Variants in STX2 observed in about 807,000 individuals in gnomAD.
The protein encoded by STX2 is syntaxin-2.
A neutral mutation model predicts 40.6 loss-of-function variants in STX2; 27 were observed. The observed-to-expected ratio is 0.66, with a 90% confidence interval of 0.49 to 0.92. STX2 has a LOEUF of 0.92. STX2 is among the 40% of genes least tolerant of loss of function. The pLI is 0.00. For missense variants in STX2, 328 were observed against 366.1 expected (o/e 0.90, Z 0.85); for synonymous variants, 123 against 119.1 (o/e 1.03, Z -0.22).
At chr12:130,824,658 A>G (rs951917655) in intron 2 of STX2, among the ~76,000 whole-genome samples, 4 of 152,168 alleles carry the variant, frequency 2.6e-5, no homozygotes, top group Non-Finnish European at 5.9e-5. Flanking sequence ...CTTCACAGAA[A>G]CAAGACTCCC....
intron 6 of STX2, among the ~76,000 whole-genome samples, chr12:130,806,684 G>A (rs919415586): frequency 1.3e-5 from 2 of 152,150 alleles, no homozygotes; most frequent in Admixed American, 6.5e-5. Flanking sequence ...ACCAGGGCAG[G>A]GCGGGACTGA....
intron 2 of STX2, among the ~76,000 whole-genome samples, chr12:130,825,322 C>T (rs1440917107): frequency 6.6e-6 from 1 of 152,186 alleles, no homozygotes; most frequent in African/African-American, 2.4e-5. Context: ...CAGGCATGAG[C>T]CACTGGGCCC....
chr12:130,836,753 C>T (rs1016117144), intron 1 of STX2, among the ~76,000 whole-genome samples: 1 of 152,152 alleles, frequency 6.6e-6, no homozygotes, highest in Admixed American at 6.5e-5. Flanking sequence ...CCCCATTTCA[C>T]GTACAAGAAA....
intron 5 of STX2, among the ~76,000 whole-genome samples, chr12:130,808,382 CTTCAGGAAA>C (rs1370767704): frequency 1.3e-5 from 2 of 152,162 alleles, no homozygotes; most frequent in Non-Finnish European, 2.9e-5. Context: ...TCAAAACCCT[CTTCAGGAAA>C]GGCACAAACC....
intron 5 of STX2, 111 bp downstream of exon 5, chr12:130,808,520 C>T (rs1328497539): frequency 2.1e-6 from 2 of 970,566 alleles, no homozygotes; most frequent in East Asian, 2.5e-5. Context: ...TGCAGAAATA[C>T]TATGAGGATA....
At chr12:130,821,058 TGCAAATACCACGGGGAA>T (rs1394057254) in intron 3 of STX2, among the ~76,000 whole-genome samples, 1 of 152,190 alleles carries the variant, frequency 6.6e-6, no homozygotes, top group Non-Finnish European at 1.5e-5. Context: ...AATGAGGAGA[TGCAAATACCACGGGGAA>T]GCAAATTGAG....
chr12:130,812,570 T>C (rs961691568), intron 4 of STX2: 3 of 280,818 alleles, frequency 1.1e-5, no homozygotes, highest in Non-Finnish European at 2.1e-5. Context: ...TTAAGTCCCC[T>C]GTTTTACATG....
Position 130,790,755 on chromosome 12 carries a change from T to C in STX2, c.*1268A>G, listed in dbSNP as rs768457394. ...CCGTCTTAAATTCAGACTTCATTCA[T>C]GTAAACTGGGAAACTCGAATCTCCT... On this transcript the variant is annotated 3_prime_UTR_variant, in exon 11 of 11. Transcript: ENST00000392373. 1.3e-5 allele frequency: 2 copies of C among 152,580 alleles called. No homozygotes were observed. Among genetic ancestry groups the C allele is most frequent in the African/African-American group, 2.4e-5 (1 of 41,570 alleles). The allele number at this position is 152,580 out of a possible 1,614,324, so 9.5% of individuals were successfully genotyped here.
At chr12:130,838,477 C>T (rs1335966731) in intron 1 of STX2, among the ~76,000 whole-genome samples, 1 of 152,196 alleles carries the variant, frequency 6.6e-6, no homozygotes, top group Non-Finnish European at 1.5e-5. Context: ...ACTGGGAGAT[C>T]AGACACAAGC....
intron 2 of STX2, among the ~76,000 whole-genome samples, chr12:130,826,109 CCT>C (rs1244364609): frequency 1.3e-5 from 2 of 152,314 alleles, no homozygotes; most frequent in African/African-American, 4.8e-5. Context: ...CTGTGACTTT[CCT>C]CTGAGTCTTC....
At position 130,791,789 on chromosome 12, in the gene STX2, A is replaced by T. The variant is rs1447947744; in HGVS notation, c.*234T>A. 1.0e-5 allele frequency: 10 copies of T among 953,020 alleles called. No homozygotes were observed. The South Asian group carries it at 1.4e-4, about 13-fold the overall frequency. The allele number at this position is 953,020 out of a possible 1,614,324, so 59.0% of individuals were successfully genotyped here. On this transcript the variant is annotated 3_prime_UTR_variant, in exon 11 of 11. Coordinates refer to ENST00000392373, the MANE Select transcript of STX2 (RefSeq NM_194356.4). Reference sequence around the variant, plus strand: ...TGAACTCATACATTACAAGGTCAGCACTCGATGCCGGGTTACAGCGTCTGA... The same window carrying T: ...TGAACTCATACATTACAAGGTCAGCTCTCGATGCCGGGTTACAGCGTCTGA...
chr12:130,836,366 A>C (rs10848211), intron 1 of STX2, among the ~76,000 whole-genome samples: 71,234 of 151,958 alleles, frequency 0.47, 20,075 homozygotes, highest in East Asian at 0.87. Flanking sequence ...CGCCTCCTGG[A>C]CTCAAGCAAT....
chr12:130,820,864 C>T (rs1797224626), intron 3 of STX2, among the ~76,000 whole-genome samples: 1 of 152,052 alleles, frequency 6.6e-6, no homozygotes. Flanking sequence ...AAAGACTCAA[C>T]GTTGTTAACA....
At chr12:130,830,845 A>G (rs1017655080) in intron 1 of STX2, among the ~76,000 whole-genome samples, 1 of 152,220 alleles carries the variant, frequency 6.6e-6, no homozygotes, top group African/African-American at 2.4e-5. Context: ...ATTGTAAATA[A>G]CCAAACTGCT....
chr12:130,812,744 G>A (rs1291863403), intron 4 of STX2: 3 of 424,224 alleles, frequency 7.1e-6, no homozygotes, highest in South Asian at 3.9e-5. Context: ...AGCCTGAAAT[G>A]TCATCAAAAA....
At chr12:130,834,752 T>C (rs1325726299) in intron 1 of STX2, among the ~76,000 whole-genome samples, 2 of 152,284 alleles carry the variant, frequency 1.3e-5, no homozygotes, top group East Asian at 3.9e-4. Flanking sequence ...ACACAAAATA[T>C]AAAAATTTGG....
At chr12:130,827,989 G>A (rs369402786) in intron 1 of STX2, among the ~76,000 whole-genome samples, 2 of 152,098 alleles carry the variant, frequency 1.3e-5, no homozygotes, top group Non-Finnish European at 1.5e-5. Flanking sequence ...CCAGAAGAAC[G>A]ACCATTGATC....
intron 3 of STX2, among the ~76,000 whole-genome samples, chr12:130,814,532 A>AG (rs552052610): frequency 2.6e-5 from 4 of 151,666 alleles, no homozygotes; most frequent in African/African-American, 4.8e-5. Context: ...AGGAGTGTGC[A>AG]GGCCCAGCTG....
chr12:130,813,130 T>G (rs1019110206), intron 3 of STX2, 99 bp from the exon 4 acceptor site: 1 of 764,302 alleles, frequency 1.3e-6, no homozygotes, highest in African/African-American at 1.9e-5. Context: ...GTATCCTTAG[T>G]AAATATTCAC....
Sources: gnomAD v4.1 joint callset for allele counts (sites outside exome capture counted in the v4.1 genomes callset) on GRCh38, gnomAD v4.1.1 for gene constraint, MANE v1.5 for transcripts, NCBI Gene and HGNC (gene_info 2026-07-23, HGNC 2026-07-21) for gene names.